Variants in CCSER2 observed in about 807,000 individuals in gnomAD.
CCSER2 encodes coiled-coil serine rich protein 2, also known as serine-rich coiled-coil domain-containing protein 2.
CCSER2 carries 46 observed loss-of-function variants against 92.3 expected under a neutral mutation model. That is an observed-to-expected ratio of 0.50 (90% CI 0.39 to 0.64). CCSER2 has a LOEUF of 0.64. CCSER2 is among the 30% of genes least tolerant of loss of function. The pLI is 0.00. For synonymous variants in CCSER2, 433 were observed against 431.4 expected, an observed-to-expected ratio of 1.00 and a Z score of -0.04; for missense variants, 1,244 against 1,238.9, an observed-to-expected ratio of 1.00 and a Z score of -0.06.
chr10:84,354,338 A>G (rs1039426973), intron 1 of CCSER2, among the ~76,000 whole-genome samples: 2 of 151,752 alleles, frequency 1.3e-5, no homozygotes, highest in Admixed American at 6.6e-5. Context: ...TGCTGTAGTC[A>G]GGTTTCTGTC....
intron 6 of CCSER2, among the ~76,000 whole-genome samples, chr10:84,456,683 A>G (rs1014752195): frequency 2.0e-5 from 3 of 152,128 alleles, no homozygotes; most frequent in Non-Finnish European, 4.4e-5. Context: ...TGGTGACTAT[A>G]TCATTTTGTA....
chr10:84,483,995 A>ATG (rs1847642190), intron 9 of CCSER2, among the ~76,000 whole-genome samples: 4 of 72,358 alleles, frequency 5.5e-5, no homozygotes, highest in African/African-American at 9.9e-5. Flanking sequence ...ATATATATAT[A>ATG]TAATTTTTTT....
intron 9 of CCSER2, among the ~76,000 whole-genome samples, chr10:84,485,937 C>T (rs906401698): frequency 6.6e-6 from 1 of 152,186 alleles, no homozygotes; most frequent in Non-Finnish European, 1.5e-5. Flanking sequence ...TGTTCCCCTT[C>T]CTGTGTCCAA....
intron 3 of CCSER2, among the ~76,000 whole-genome samples, chr10:84,415,889 G>A (rs1332219387): frequency 4.6e-5 from 7 of 152,162 alleles, no homozygotes; most frequent in East Asian, 1.9e-4. Flanking sequence ...GTAAGGTGCC[G>A]TGCAAGTGGG....
intron 1 of CCSER2, among the ~76,000 whole-genome samples, chr10:84,367,838 T>C (rs549807622): frequency 3.3e-4 from 50 of 152,282 alleles, no homozygotes; most frequent in South Asian, 1.2e-3. Flanking sequence ...CATGTTCTTA[T>C]TAGGTTGTTC....
At chr10:84,430,675 G>A (rs552037384) in intron 5 of CCSER2, among the ~76,000 whole-genome samples, 1 of 152,274 alleles carries the variant, frequency 6.6e-6, no homozygotes, top group Non-Finnish European at 1.5e-5. Flanking sequence ...AATGCTTTTG[G>A]TTCTCAAGCT....
intron 3 of CCSER2, among the ~76,000 whole-genome samples, chr10:84,412,429 T>G (rs901385906): frequency 1.3e-5 from 2 of 150,460 alleles, no homozygotes; most frequent in Non-Finnish European, 3.0e-5. Flanking sequence ...GTCATGGGCT[T>G]TTTTTTTTGG....
intron 3 of CCSER2, among the ~76,000 whole-genome samples, chr10:84,376,986 T>A (rs770498680): frequency 6.6e-6 from 1 of 152,182 alleles, no homozygotes; most frequent in African/African-American, 2.4e-5. Context: ...TATCCTCTTC[T>A]GTGAAGTGTC....
intron 5 of CCSER2, among the ~76,000 whole-genome samples, chr10:84,429,644 A>T (rs1439447392): frequency 8.0e-6 from 1 of 124,566 alleles, no homozygotes; most frequent in Non-Finnish European, 1.6e-5. Context: ...TGCATTAAGG[A>T]TTTTCACTTT....
At chr10:84,477,849 T>C (rs1372212445) in intron 9 of CCSER2, among the ~76,000 whole-genome samples, 185 bp downstream of exon 9, 2 of 152,206 alleles carry the variant, frequency 1.3e-5, no homozygotes, top group Admixed American at 6.5e-5. Flanking sequence ...CTTGTGTGTC[T>C]TATGTAAGTG....
intron 9 of CCSER2, among the ~76,000 whole-genome samples, chr10:84,479,728 A>G (rs1175096011): frequency 1.3e-5 from 2 of 152,096 alleles, no homozygotes; most frequent in African/African-American, 2.4e-5. Flanking sequence ...TAGTAAGCTC[A>G]CTCTTTTTCT....
intron 9 of CCSER2, among the ~76,000 whole-genome samples, chr10:84,491,712 C>T (rs888087016): frequency 6.6e-6 from 1 of 152,162 alleles, no homozygotes; most frequent in Non-Finnish European, 1.5e-5. Flanking sequence ...CCTCGCCCTG[C>T]TTCCACTCAC....
At chr10:84,401,706 A>C (rs1301871746) in intron 3 of CCSER2, among the ~76,000 whole-genome samples, 1 of 152,218 alleles carries the variant, frequency 6.6e-6, no homozygotes, top group African/African-American at 2.4e-5. Flanking sequence ...ATAACCTCAC[A>C]CTAAAACCAG....
At chr10:84,347,981 G>A (rs1844623726) in intron 1 of CCSER2, among the ~76,000 whole-genome samples, 1 of 152,176 alleles carries the variant, frequency 6.6e-6, no homozygotes, top group Non-Finnish European at 1.5e-5. Flanking sequence ...GGGCAGCCGG[G>A]CAGAGGGGCT....
intron 9 of CCSER2, among the ~76,000 whole-genome samples, chr10:84,494,666 T>A (rs1848348838): frequency 6.6e-6 from 1 of 152,202 alleles, no homozygotes; most frequent in South Asian, 2.1e-4. Flanking sequence ...GGTGATGATA[T>A]TCCTTCCTAA....
intron 9 of CCSER2, among the ~76,000 whole-genome samples, chr10:84,490,815 T>A (rs753898991): frequency 1.4e-4 from 22 of 152,380 alleles, no homozygotes; most frequent in Non-Finnish European, 3.1e-4. Flanking sequence ...GGAGAGGTGC[T>A]CTGATTTTTA....
intron 1 of CCSER2, among the ~76,000 whole-genome samples, chr10:84,329,029 C>G (rs1307073873): frequency 6.6e-6 from 1 of 151,872 alleles, no homozygotes; most frequent in African/African-American, 2.4e-5. Flanking sequence ...AGGGCGCCCT[C>G]CCTGCGGCTG....
chr10:84,428,385 C>A lies in CCSER2; in HGVS notation c.1868+2492C>A, dbSNP rs993119958. Among the ~76,000 whole-genome samples, 4 of 152,140 alleles carry A rather than the reference C, an allele frequency of 2.6e-5. No individual in the cohort carries two copies. The South Asian group carries it at 6.2e-4, about 24-fold the overall frequency. The stretch of plus-strand genomic sequence containing the variant: ...TGAGAATCTAATGCTGCCGCTGATA[C>A]GACAGGAGGTGGAGCTCCTGTCAGA... On this transcript the variant is annotated intron_variant, in intron 5 of 9. Transcript: ENST00000372088.
rs574007599 is a variant in CCSER2 at position 84,338,829 on chromosome 10, C to T, written c.-40+10021C>T. Among the ~76,000 whole-genome samples the T allele has an allele frequency of 3.9e-5, 6 of 152,252 alleles. No homozygotes were observed. The South Asian group carries it at 1.2e-3, about 32-fold the overall frequency. On this transcript the variant is annotated intron_variant, in intron 1 of 9. Transcript: ENST00000372088. ...TTGATGTTTGAGATGAATTCAGAAA[C>T]TGTGTTGAAAGCACATATTACAGTT...
Sources: gnomAD v4.1 joint callset for allele counts (sites outside exome capture counted in the v4.1 genomes callset) on GRCh38, gnomAD v4.1.1 for gene constraint, MANE v1.5 for transcripts, NCBI Gene and HGNC (gene_info 2026-07-23, HGNC 2026-07-21) for gene names.